The following ADAMTS6 variants were observed in gnomAD, a reference collection of about 807,000 sequenced individuals.
The protein encoded by ADAMTS6 is ADAM metallopeptidase with thrombospondin type 1 motif 6.
Under a neutral mutation model 144.3 loss-of-function variants are expected in ADAMTS6, and 23 were observed. That is an observed-to-expected ratio of 0.16 (90% CI 0.11 to 0.23). The LOEUF (loss-of-function observed/expected upper bound fraction) is 0.23, where lower values mean the gene tolerates loss of function less well. Among genes scored for constraint, ADAMTS6 ranks in the 10% least tolerant of loss-of-function variants. The pLI, the probability that ADAMTS6 is intolerant of heterozygous loss-of-function variation, is 1.00. For missense variants in ADAMTS6, 999 were observed against 1,379.6 expected (o/e 0.72, Z 4.37); for synonymous variants, 444 against 457.5 (o/e 0.97, Z 0.38).
intron 3 of ADAMTS6, among the ~76,000 whole-genome samples, chr5:65,462,717 T>C (rs1213011054): frequency 6.6e-6 from 1 of 152,218 alleles, no homozygotes; most frequent in African/African-American, 2.4e-5. Flanking sequence ...CTATGCTATG[T>C]GGTAGGGATA....
chr5:65,442,929 G>A (rs1321776455), intron 7 of ADAMTS6, among the ~76,000 whole-genome samples: 1 of 152,166 alleles, frequency 6.6e-6, no homozygotes, highest in African/African-American at 2.4e-5. Context: ...AACATGCAGT[G>A]TCTGGTTTTC....
chr5:65,211,599 C>T (rs1032050551), intron 20 of ADAMTS6, among the ~76,000 whole-genome samples: 1 of 151,788 alleles, frequency 6.6e-6, no homozygotes. Flanking sequence ...GAGACTCTGT[C>T]TCAAAACACA....
chr5:65,364,047 C>A (rs192239258), intron 7 of ADAMTS6, among the ~76,000 whole-genome samples: 3 of 152,232 alleles, frequency 2.0e-5, no homozygotes, highest in Non-Finnish European at 4.4e-5. Flanking sequence ...ACAAAAATCA[C>A]ATGAAGATTT....
intron 14 of ADAMTS6, among the ~76,000 whole-genome samples, chr5:65,255,748 T>TA (rs952487783): frequency 1.7e-4 from 26 of 150,236 alleles, no homozygotes; most frequent in African/African-American, 5.1e-4. Flanking sequence ...TTTAAATGAT[T>TA]AAAAAAAAAA....
chr5:65,308,401 A>G (rs1744147719), intron 9 of ADAMTS6, among the ~76,000 whole-genome samples: 1 of 152,234 alleles, frequency 6.6e-6, no homozygotes. Flanking sequence ...GTTAGGTTTG[A>G]TCGAAACCTT....
chr5:65,212,493 T>C (rs1380350051), intron 20 of ADAMTS6, among the ~76,000 whole-genome samples: 1 of 150,686 alleles, frequency 6.6e-6, no homozygotes, highest in Non-Finnish European at 1.5e-5. Context: ...GCAAGTGTTA[T>C]GGAAAAAAAT....
chr5:65,360,620 G>T (rs1378362753), intron 7 of ADAMTS6, among the ~76,000 whole-genome samples: 1 of 151,868 alleles, frequency 6.6e-6, no homozygotes, highest in East Asian at 1.9e-4. Context: ...AGAAAATGTA[G>T]GTAACTGTGT....
At chr5:65,451,192 T>C (rs1758712088) in intron 7 of ADAMTS6, 1 of 262,742 alleles carries the variant, frequency 3.8e-6, no homozygotes, top group Non-Finnish European at 7.1e-6. Flanking sequence ...TAACAAATCA[T>C]CTACATGCTT....
intron 11 of ADAMTS6, among the ~76,000 whole-genome samples, chr5:65,284,129 A>G (rs1763189500): frequency 6.6e-6 from 1 of 152,152 alleles, no homozygotes; most frequent in Middle Eastern, 3.2e-3. Flanking sequence ...TCTCAATAAC[A>G]ATGCAATAAT....
chr5:65,352,171 T>C (rs1748913320), intron 7 of ADAMTS6, among the ~76,000 whole-genome samples: 1 of 152,266 alleles, frequency 6.6e-6, no homozygotes, highest in South Asian at 2.1e-4. Flanking sequence ...AAGATGTTTA[T>C]AAGTGATAAA....
At chr5:65,340,564 A>G (rs1424173598) in intron 7 of ADAMTS6, among the ~76,000 whole-genome samples, 3 of 152,098 alleles carry the variant, frequency 2.0e-5, no homozygotes, top group Non-Finnish European at 4.4e-5. Context: ...GATAAACCAA[A>G]TAACTGGAAA....
chr5:65,451,744 AT>A, intron 6 of ADAMTS6, 124 bp from the exon 7 acceptor site: 1 of 1,136,414 alleles, frequency 8.8e-7, no homozygotes. Flanking sequence ...TCTCTTGCCA[AT>A]TTTTATCTCT....
chr5:65,237,504 A>T (rs1758766310), intron 15 of ADAMTS6, among the ~76,000 whole-genome samples: 1 of 152,032 alleles, frequency 6.6e-6, no homozygotes, highest in African/African-American at 2.4e-5. Context: ...CAAAGAAAAT[A>T]TCAAGCCTGG....
chr5:65,396,089 G>A (rs1287205497), intron 7 of ADAMTS6, among the ~76,000 whole-genome samples: 3 of 151,974 alleles, frequency 2.0e-5, no homozygotes, highest in African/African-American at 4.8e-5. Context: ...TGCCAATAAA[G>A]TTTAACCTGA....
chr5:65,475,376 T>C (rs923322109), intron 1 of ADAMTS6, among the ~76,000 whole-genome samples: 1 of 152,182 alleles, frequency 6.6e-6, no homozygotes, highest in East Asian at 1.9e-4. Context: ...TGTCCTACTA[T>C]GTTTAAAAGA....
chr5:65,308,812 G>A (rs1361552043), intron 9 of ADAMTS6, among the ~76,000 whole-genome samples: 1 of 152,130 alleles, frequency 6.6e-6, no homozygotes, highest in Non-Finnish European at 1.5e-5. Flanking sequence ...AATAGAAACT[G>A]ACACTAAGAT....
intron 7 of ADAMTS6, among the ~76,000 whole-genome samples, chr5:65,352,957 T>A (rs1749000236): frequency 6.6e-6 from 1 of 152,030 alleles, no homozygotes; most frequent in African/African-American, 2.4e-5. Context: ...CTATGTTCCT[T>A]CTCATTCACT....
intron 14 of ADAMTS6, among the ~76,000 whole-genome samples, chr5:65,259,004 C>G (rs573163936): frequency 1.0e-3 from 155 of 152,174 alleles, no homozygotes; most frequent in South Asian, 9.4e-3. Flanking sequence ...ATTGGTAGAG[C>G]AGAGACACAG....
At chr5:65,441,616 T>C (rs2150232771) in intron 7 of ADAMTS6, among the ~76,000 whole-genome samples, 1 of 152,106 alleles carries the variant, frequency 6.6e-6, no homozygotes, top group East Asian at 1.9e-4. Context: ...AATAGCAGAA[T>C]GCACATTCTT....
Sources: gnomAD v4.1 joint callset for allele counts (sites outside exome capture counted in the v4.1 genomes callset) on GRCh38, gnomAD v4.1.1 for gene constraint, MANE v1.5 for transcripts, NCBI Gene and HGNC (gene_info 2026-07-23, HGNC 2026-07-21) for gene names.